Variants in CDC37 observed in about 807,000 individuals in gnomAD.
The protein encoded by CDC37 is cell division cycle 37, HSP90 cochaperone.
A neutral mutation model predicts 46.9 loss-of-function variants in CDC37; 9 were observed. That is an observed-to-expected ratio of 0.19 (90% CI 0.12 to 0.33). CDC37 has a LOEUF of 0.33. CDC37 is among the 10% of genes least tolerant of loss of function. The probability of loss-of-function intolerance (pLI) is 1.00; values close to 1 mark genes in which losing one functional copy is unlikely to be tolerated. For synonymous variants in CDC37, 193 were observed against 191.0 expected (o/e 1.01, Z -0.09); for missense variants, 388 against 514.6 (o/e 0.75, Z 2.38).
Position 10,396,391 on chromosome 19 carries a change from G to A in CDC37, c.103-188C>T, listed in dbSNP as rs573633972. Among the ~76,000 whole-genome samples, 26 of 152,208 alleles carry A rather than the reference G, an allele frequency of 1.7e-4. 1 individual carries two copies. The South Asian group carries it at 2.9e-3, about 17-fold the overall frequency. ...CACCCAAGTGGGGTCAGGTCCCTCC[G>A]TCCTCTGCTCAGAACCCTGGCGGCT... On this transcript the variant is annotated intron_variant, in intron 1 of 7. Transcript: ENST00000222005. This position sits in a 1 kb window ranked among gnomAD's most constrained non-coding sequence, Gnocchi z 5.9.
At chr19:10,399,948 A>AAAAAAAAAAAAAAC (rs2042510316) in intron 1 of CDC37, among the ~76,000 whole-genome samples, 1 of 148,318 alleles carries the variant, frequency 6.7e-6, no homozygotes, top group Non-Finnish European at 1.5e-5. Flanking sequence ...AAAAAAAAAA[A>AAAAAAAAAAAAAAC]AAAAAAAAGC....
At chr19:10,402,597 C>A (rs1240324836) in intron 1 of CDC37, among the ~76,000 whole-genome samples, 4 of 152,030 alleles carry the variant, frequency 2.6e-5, no homozygotes, top group African/African-American at 9.7e-5. Context: ...TCTGGCTAGG[C>A]CGGAAGCCAC....
chr19:10,394,958 AG>A, intron 5 of CDC37, 62 bp downstream of exon 5: 1 of 1,497,426 alleles, frequency 6.7e-7, no homozygotes, highest in South Asian at 1.4e-5. Flanking sequence ...CCTTACCTAG[AG>A]CATTGTGGGC....
intron 1 of CDC37, among the ~76,000 whole-genome samples, chr19:10,402,120 G>GCA (rs2042521681): frequency 7.6e-6 from 1 of 131,088 alleles, no homozygotes. Context: ...TTGTGCCACT[G>GCA]CACTCCAGCC....
rs2042473495 is a variant in CDC37, at chr19:10,393,964, C to T, written c.727-523G>A. ...AATTAACCGGGCATGGTGGCACATG[C>T]CTGTAGTCCCAGCTACTCAGGAGGT... On this transcript the variant is annotated intron_variant, in intron 5 of 7. Coordinates refer to ENST00000222005, the MANE Select transcript of CDC37 (RefSeq NM_007065.4). This position sits in a 1 kb window ranked among gnomAD's most constrained non-coding sequence, Gnocchi z 4.9. Among the ~76,000 whole-genome samples, 1 of 152,196 alleles carries T rather than the reference C, an allele frequency of 6.6e-6. No individual in the cohort carries two copies. Among genetic ancestry groups the T allele is most frequent in the Admixed American group, 6.5e-5 (1 of 15,270 alleles).
chr19:10,399,009 G>A (rs1217483939), intron 1 of CDC37, among the ~76,000 whole-genome samples: 2 of 152,112 alleles, frequency 1.3e-5, no homozygotes, highest in African/African-American at 4.8e-5. Context: ...CTCCGTCCTT[G>A]TCACTGCCAC....
rs2231482 is a variant in CDC37 at position 10,396,317 on chromosome 19, G to A, written c.103-114C>T. On this transcript the variant is annotated intron_variant, in intron 1 of 7. Coordinates refer to ENST00000222005, the MANE Select transcript of CDC37 (RefSeq NM_007065.4). This position sits in a 1 kb window ranked among gnomAD's most constrained non-coding sequence, Gnocchi z 5.9. Reference sequence around the variant, plus strand: ...AGGAAAAAGTACGCGTCCACCTCCCGTGCCCTGGTCTCCCAGCTTCCGCCC... The same window carrying A: ...AGGAAAAAGTACGCGTCCACCTCCCATGCCCTGGTCTCCCAGCTTCCGCCC... The A allele has an allele frequency of 8.9e-3, 11,027 of 1,241,386 alleles. 72 individuals are homozygous for A. The highest frequency in any genetic ancestry group is 0.011 in the Non-Finnish European group (9,728 of 899,462). The allele number at this position is 1,241,386 out of a possible 1,614,324, so 76.9% of individuals were successfully genotyped here. A position where few individuals can be genotyped will look rare whatever the true frequency, so the allele number is the denominator to read the frequency against.
chr19:10,401,536 G>C (rs573850884), intron 1 of CDC37, among the ~76,000 whole-genome samples: 1 of 152,336 alleles, frequency 6.6e-6, no homozygotes, highest in East Asian at 1.9e-4. Flanking sequence ...CCCAAGAATA[G>C]TCTTTGGAGC....
rs1599379203 is a variant in CDC37, at chr19:10,393,001, A to C, written c.981+85T>G. ...GGAGAAGCCTTGGAGGGGCACTTTC[A>C]CCAGCCGGCTTCAGAGACTTGGGAC... On this transcript the variant is annotated intron_variant, in intron 7 of 7. Coordinates refer to ENST00000222005, the MANE Select transcript of CDC37 (RefSeq NM_007065.4). This position sits in a 1 kb window ranked among gnomAD's most constrained non-coding sequence, Gnocchi z 4.9. 1 of 1,300,824 alleles carries C rather than the reference A, an allele frequency of 7.7e-7. No homozygotes were observed. The highest frequency in any genetic ancestry group is 1.1e-6 in the Non-Finnish European group (1 of 898,122). 80.6% of individuals were successfully genotyped at this position (1,300,824 alleles called of 1,614,324 possible).
At position 10,403,511 on chromosome 19, in the gene CDC37, G is replaced by C. The variant is rs777302366; in HGVS notation, c.-32C>G. 3.2e-6 allele frequency: 5 copies of C among 1,546,308 alleles called. No homozygotes were observed. Among genetic ancestry groups the C allele is most frequent in the Middle Eastern group, 1.7e-4 (1 of 5,912 alleles). ...TTGGCGGCCCAGCCCGCTCCGGCTC[G>C]GGTGGCGGCGACGGCGGCAGCAGTG... On this transcript the variant is annotated 5_prime_UTR_variant, in exon 1 of 8. Transcript: ENST00000222005.
At chr19:10,395,641 G>A (rs539822053) in intron 2 of CDC37, 98 bp from the exon 3 acceptor site, 5 of 1,005,406 alleles carry the variant, frequency 5.0e-6, no homozygotes, top group Non-Finnish European at 7.9e-6. Context: ...TCCCATCCAC[G>A]GCGGAGGTGG....
intron 1 of CDC37, 81 bp downstream of exon 1, chr19:10,403,297 G>C (rs2042530007): frequency 9.6e-7 from 1 of 1,040,260 alleles, no homozygotes; most frequent in Admixed American, 2.0e-5. Context: ...TGTGAACAGC[G>C]GGGTCCCTGG....
intron 2 of CDC37, 117 bp from the exon 3 acceptor site, chr19:10,395,660 C>A: frequency 1.1e-6 from 1 of 920,694 alleles, no homozygotes; most frequent in Non-Finnish European, 1.8e-6. Context: ...GGTGACGAAG[C>A]CATGAGCATC....
In CDC37 at chr19:10,403,523, C is replaced by T; in HGVS notation, c.-44G>A. On this transcript the variant is annotated 5_prime_UTR_variant, in exon 1 of 8. Coordinates refer to ENST00000222005, the MANE Select transcript of CDC37 (RefSeq NM_007065.4). The stretch of plus-strand genomic sequence containing the variant: ...CCCGCTCCGGCTCGGGTGGCGGCGA[C>T]GGCGGCAGCAGTGGAGACTAGGAGC... 4 of 1,484,732 alleles carry T rather than the reference C, an allele frequency of 2.7e-6. No homozygotes were observed. The highest frequency in any genetic ancestry group is 4.5e-5 in the East Asian group (2 of 44,118). The allele number at this position is 1,484,732 out of a possible 1,614,324, so 92.0% of individuals were successfully genotyped here.
At chr19:10,395,590 C>T in intron 2 of CDC37, 47 bp from the exon 3 acceptor site, 1 of 1,445,488 alleles carries the variant, frequency 6.9e-7, no homozygotes, top group Non-Finnish European at 9.7e-7. Context: ...GGCTGCGGAG[C>T]GCCTCGAGCG....
chr19:10,397,916 C>T (rs994329394), intron 1 of CDC37, among the ~76,000 whole-genome samples: 1 of 152,114 alleles, frequency 6.6e-6, no homozygotes, highest in African/African-American at 2.4e-5. Context: ...TGGTCCCCGC[C>T]TCACTCCCTG....
In CDC37 at chr19:10,391,470, C is replaced by T. The variant is rs1014320021; in HGVS notation, c.*81G>A. On this transcript the variant is annotated 3_prime_UTR_variant, in exon 8 of 8. Transcript: ENST00000222005. ...CAGCGCAAGTAGAGGAAGTCAGGAG[C>T]GGGCGAGATGGCATCTATCTGTTTT... 37 of 1,548,142 alleles carry T rather than the reference C, an allele frequency of 2.4e-5. No homozygotes were observed. In the African/African-American group the frequency reaches 2.9e-4, roughly 12 times the overall value.
At chr19:10,399,943 A>AAAAAAAAAAAAAAAC in intron 1 of CDC37, among the ~76,000 whole-genome samples, 1 of 147,054 alleles carries the variant, frequency 6.8e-6, no homozygotes. Context: ...AAAAAAAAAA[A>AAAAAAAAAAAAAAAC]AAAAAAAAAA....
At chr19:10,399,134 C>T (rs2042505534) in intron 1 of CDC37, among the ~76,000 whole-genome samples, 1 of 152,146 alleles carries the variant, frequency 6.6e-6, no homozygotes, top group Admixed American at 6.6e-5. Flanking sequence ...CTGACACAGC[C>T]AGCCTGAGCC....
Sources: allele counts gnomAD v4.1 joint callset (sites outside exome capture counted in the v4.1 genomes callset), GRCh38; gene constraint gnomAD v4.1.1; non-coding constraint Gnocchi (gnomAD v3.1); transcripts MANE v1.5; gene names NCBI Gene and HGNC (gene_info 2026-07-23, HGNC 2026-07-21).